The following CCSER2 variants were observed in gnomAD, a reference collection of about 807,000 sequenced individuals.
CCSER2 encodes coiled-coil serine rich protein 2, also known as serine-rich coiled-coil domain-containing protein 2.
In CCSER2, 46 loss-of-function variants were observed where a neutral mutation model predicts 92.3. That is an observed-to-expected ratio of 0.50 (90% CI 0.39 to 0.64). The LOEUF (loss-of-function observed/expected upper bound fraction) is 0.64. Among genes scored for constraint, CCSER2 ranks in the 30% least tolerant of loss-of-function variants. The pLI, the probability that CCSER2 is intolerant of heterozygous loss-of-function variation, is 0.00. For synonymous variants in CCSER2, 433 were observed against 431.4 expected (o/e 1.00, Z -0.04); for missense variants, 1,244 against 1,238.9 (o/e 1.00, Z -0.06).
At chr10:84,340,324 A>G (rs1005581251) in intron 1 of CCSER2, among the ~76,000 whole-genome samples, 6 of 152,130 alleles carry the variant, frequency 3.9e-5, no homozygotes, top group African/African-American at 1.4e-4. Flanking sequence ...TTTTCGTGAC[A>G]GGTTGCTCTC....
intron 5 of CCSER2, among the ~76,000 whole-genome samples, chr10:84,430,581 G>C (rs1843710904): frequency 6.6e-6 from 1 of 152,176 alleles, no homozygotes; most frequent in Non-Finnish European, 1.5e-5. Flanking sequence ...TTCTTTGGGA[G>C]TGGTGCTTTT....
chr10:84,481,745 A>G (rs1847469041), intron 9 of CCSER2, among the ~76,000 whole-genome samples: 1 of 152,062 alleles, frequency 6.6e-6, no homozygotes, highest in South Asian at 2.1e-4. Context: ...TTAGTGGAGT[A>G]AGGGGTCTAT....
chr10:84,339,459 CT>C (rs558168935), intron 1 of CCSER2, among the ~76,000 whole-genome samples: 24 of 130,436 alleles, frequency 1.8e-4, no homozygotes, highest in Admixed American at 3.2e-4. Context: ...CATACTATTA[CT>C]TTTTTTTTTT....
rs1380751574 is a variant in CCSER2, at chr10:84,457,233, T to G, written c.2065-6700T>G. On this transcript the variant is annotated intron_variant, in intron 6 of 9. Coordinates refer to ENST00000372088, the MANE Select transcript of CCSER2 (RefSeq NM_001284240.2). Reference sequence around the variant, plus strand: ...ATATATATTACATATTATATATAAATATATTATATATTATATATTATATAA... The same window carrying G: ...ATATATATTACATATTATATATAAAGATATTATATATTATATATTATATAA... Among the ~76,000 whole-genome samples the G allele has an allele frequency of 1.5e-4, 10 of 65,860 alleles. No homozygotes were observed. The South Asian group carries it at 5.1e-3, about 34-fold the overall frequency. 43.2% of individuals were successfully genotyped at this position (65,860 alleles called of 152,430 possible). A position where few individuals can be genotyped will look rare whatever the true frequency, so the allele number is the denominator to read the frequency against.
chr10:84,347,546 C>T (rs1382789633), intron 1 of CCSER2, among the ~76,000 whole-genome samples: 7 of 146,632 alleles, frequency 4.8e-5, no homozygotes, highest in African/African-American at 5.1e-5. Flanking sequence ...GCTGGCCGGG[C>T]GGGGGCTGCC....
rs35526567 is a variant in CCSER2, at chr10:84,463,988, A to C, written c.2120A>C (p.Glu707Ala). Residue 707 changes from glutamate to alanine, a missense_variant, in exon 7 of 10, where the codon GAA (glutamate) becomes GCA (alanine). By Grantham distance (107) the Glu-to-Ala change is moderately radical. Coordinates refer to ENST00000372088, the MANE Select transcript of CCSER2 (RefSeq NM_001284240.2). Reference sequence around the variant, plus strand: ...CAACTGTCATTGCCATCCAGTCCAGAACCAGAAGATGGTGATAAAGTATAT... The same window carrying C: ...CAACTGTCATTGCCATCCAGTCCAGCACCAGAAGATGGTGATAAAGTATAT... ...DIQLSLPSSPEPEDGDKVYKN... is the reference protein window; with the variant it reads ...DIQLSLPSSPAPEDGDKVYKN... 56 of 1,610,104 alleles carry C rather than the reference A, an allele frequency of 3.5e-5. No homozygotes were observed. Among genetic ancestry groups the C allele is most frequent in the Non-Finnish European group, 4.5e-5 (53 of 1,176,818 alleles).
chr10:84,347,530 G>C (rs1240106273), intron 1 of CCSER2, among the ~76,000 whole-genome samples: 2 of 151,326 alleles, frequency 1.3e-5, no homozygotes, highest in East Asian at 3.9e-4. Context: ...CCTCCCGGAC[G>C]GGGCGGCTGG....
intron 3 of CCSER2, among the ~76,000 whole-genome samples, chr10:84,388,559 C>CTAA (rs1295724093): frequency 1.3e-5 from 2 of 152,110 alleles, no homozygotes; most frequent in Admixed American, 6.5e-5. Context: ...TCCCTCCCAC[C>CTAA]CCCTTGAGCC....
At chr10:84,472,237 T>G (rs1411627085) in intron 8 of CCSER2, among the ~76,000 whole-genome samples, 1 of 152,072 alleles carries the variant, frequency 6.6e-6, no homozygotes, top group Non-Finnish European at 1.5e-5. Context: ...TAAAAAAAAT[T>G]TAGCTAAAGG....
At chr10:84,447,977 A>G (rs191304082) in intron 6 of CCSER2, among the ~76,000 whole-genome samples, 40 of 152,136 alleles carry the variant, frequency 2.6e-4, no homozygotes, top group Admixed American at 2.5e-3. Flanking sequence ...TATCCTGCTA[A>G]GATTCTGAAT....
intron 9 of CCSER2, among the ~76,000 whole-genome samples, chr10:84,506,692 G>T (rs1017633665): frequency 1.3e-5 from 2 of 152,076 alleles, no homozygotes; most frequent in African/African-American, 4.8e-5. Context: ...TACTTGGGAG[G>T]CTGAGGCAAG....
chr10:84,495,664 T>C (rs1444080473), intron 9 of CCSER2, among the ~76,000 whole-genome samples: 1 of 152,150 alleles, frequency 6.6e-6, no homozygotes, highest in Non-Finnish European at 1.5e-5. Flanking sequence ...TCACTGTGTC[T>C]TCTTGGTAGA....
At chr10:84,480,971 G>C (rs1847423020) in intron 9 of CCSER2, among the ~76,000 whole-genome samples, 1 of 152,038 alleles carries the variant, frequency 6.6e-6, no homozygotes, top group African/African-American at 2.4e-5. Flanking sequence ...TTACTGGATG[G>C]TCTTTGTAAG....
At chr10:84,471,692 G>T (rs769987058) in intron 8 of CCSER2, among the ~76,000 whole-genome samples, 60 of 152,104 alleles carry the variant, frequency 3.9e-4, no homozygotes, top group Non-Finnish European at 7.6e-4. Context: ...ACTAAGTGGT[G>T]TAAACTTCTG....
Position 84,352,541 on chromosome 10 carries a change from A to G in CCSER2, c.-39-18473A>G, listed in dbSNP as rs74147542. Among the ~76,000 whole-genome samples, 133 of 152,066 alleles carry G rather than the reference A, an allele frequency of 8.7e-4. 2 individuals carry two copies. The highest frequency in any genetic ancestry group is 3.1e-3 in the African/African-American group (127 of 41,474). On this transcript the variant is annotated intron_variant, in intron 1 of 9. Transcript: ENST00000372088. ...CTCGGTGAGTGGGCAAGGTTTCTGTATATATAAAAGTTTGTTGGTAGTATC... is the reference window on the plus strand; with the variant it reads ...CTCGGTGAGTGGGCAAGGTTTCTGTGTATATAAAAGTTTGTTGGTAGTATC...
chr10:84,400,143 A>G (rs1167694557), intron 3 of CCSER2, among the ~76,000 whole-genome samples: 1 of 152,118 alleles, frequency 6.6e-6, no homozygotes, highest in Non-Finnish European at 1.5e-5. Context: ...ATTCTTATCA[A>G]ATGTGTGAAT....
intron 1 of CCSER2, among the ~76,000 whole-genome samples, chr10:84,347,902 G>T (rs981473137): frequency 6.6e-6 from 1 of 151,958 alleles, no homozygotes; most frequent in Non-Finnish European, 1.5e-5. Flanking sequence ...ATGGGTGGCC[G>T]GGCAGAGACG....
chr10:84,350,012 G>A (rs1844774263), intron 1 of CCSER2, among the ~76,000 whole-genome samples: 1 of 152,134 alleles, frequency 6.6e-6, no homozygotes, highest in Non-Finnish European at 1.5e-5. Context: ...AAATTAGCCA[G>A]GCATGGTGGT....
At chr10:84,499,731 C>G (rs981341793) in intron 9 of CCSER2, 17 of 634,878 alleles carry the variant, frequency 2.7e-5, no homozygotes, top group Non-Finnish European at 3.4e-5. Context: ...TTTGAGCTGC[C>G]TGTATTTTAA....
Sources: allele counts gnomAD v4.1 joint callset (sites outside exome capture counted in the v4.1 genomes callset), GRCh38; gene constraint gnomAD v4.1.1; transcripts MANE v1.5; gene names NCBI Gene and HGNC (gene_info 2026-07-23, HGNC 2026-07-21).